MIR2052HG: variants seen among roughly 807,000 people sequenced by gnomAD.
The protein encoded by MIR2052HG is MIR2052 host gene.
intron 1 of MIR2052HG, among the ~76,000 whole-genome samples, chr8:74,612,070 A>G (rs1027715740): frequency 1.1e-5 from 1 of 87,474 alleles, no homozygotes; most frequent in African/African-American, 4.8e-5. Flanking sequence ...CCACAGGTGT[A>G]AAACGCCTGC....
At chr8:74,621,741 C>T (rs894273139) in intron 2 of MIR2052HG, among the ~76,000 whole-genome samples, 1 of 152,094 alleles carries the variant, frequency 6.6e-6, no homozygotes, top group African/African-American at 2.4e-5. Flanking sequence ...CATGTCACCA[C>T]CGGAACAGAA....
At chr8:74,727,163 CTTAAAT>C (rs1192865148) in intron 4 of MIR2052HG, among the ~76,000 whole-genome samples, 1 of 152,188 alleles carries the variant, frequency 6.6e-6, no homozygotes, top group Non-Finnish European at 1.5e-5. Context: ...CACACACACA[CTTAAAT>C]TTTAAGTTAA....
intron 4 of MIR2052HG, among the ~76,000 whole-genome samples, chr8:74,746,878 C>A (rs2128756315): frequency 6.6e-6 from 1 of 151,930 alleles, no homozygotes; most frequent in Admixed American, 6.6e-5. Flanking sequence ...GAAAGCTAAA[C>A]TGAAGAAAAA....
intron 2 of MIR2052HG, among the ~76,000 whole-genome samples, chr8:74,649,413 T>C (rs1254513353): frequency 6.6e-6 from 1 of 152,028 alleles, no homozygotes; most frequent in Non-Finnish European, 1.5e-5. Context: ...AAAAATTAAA[T>C]AGAATAGAGA....
chr8:74,692,697 G>T (rs900447846), intron 2 of MIR2052HG, among the ~76,000 whole-genome samples: 11 of 152,168 alleles, frequency 7.2e-5, no homozygotes, highest in African/African-American at 2.4e-4. Context: ...TAATTTGAAA[G>T]TTGTTTCTAC....
intron 2 of MIR2052HG, among the ~76,000 whole-genome samples, chr8:74,641,903 C>T (rs1039127411): frequency 1.3e-5 from 2 of 152,058 alleles, no homozygotes; most frequent in Admixed American, 6.6e-5. Flanking sequence ...ATTGTCTCAG[C>T]CCAGGGGAGG....
At chr8:74,647,248 G>A (rs1808698226) in intron 2 of MIR2052HG, among the ~76,000 whole-genome samples, 1 of 152,114 alleles carries the variant, frequency 6.6e-6, no homozygotes, top group African/African-American at 2.4e-5. Context: ...GAGGTTGCAG[G>A]ACAAGAGGAC....
rs144499507 is a variant in MIR2052HG at position 74,640,526 on chromosome 8, A to G, written n.216+27586A>G. Among the ~76,000 whole-genome samples the G allele has an allele frequency of 4.5e-3, 674 of 151,386 alleles. 8 individuals carry two copies. The highest frequency in any genetic ancestry group is 0.015 in the African/African-American group (637 of 41,248). ...GATGCTCTCCCTGGCCTCCGTTTTA[A>G]GTTCTGAAAGCAATTCAAAGAGAAA... On this transcript the variant is annotated intron_variant and non_coding_transcript_variant, in intron 2 of 6. Coordinates refer to ENST00000523442, the Ensembl canonical transcript of MIR2052HG.
intron 1 of MIR2052HG, among the ~76,000 whole-genome samples, chr8:74,609,278 T>C (rs1808156625): frequency 1.3e-5 from 2 of 151,988 alleles, no homozygotes; most frequent in African/African-American, 4.8e-5. Flanking sequence ...TAGTCCCATA[T>C]TTAGTAAAAT....
At chr8:74,652,620 A>G (rs1292476561) in intron 2 of MIR2052HG, among the ~76,000 whole-genome samples, 1 of 152,196 alleles carries the variant, frequency 6.6e-6, no homozygotes, top group Non-Finnish European at 1.5e-5. Flanking sequence ...TAAATGTGAT[A>G]TCTCACAATT....
intron 4 of MIR2052HG, among the ~76,000 whole-genome samples, chr8:74,743,609 C>T (rs1177419305): frequency 6.6e-6 from 1 of 152,094 alleles, no homozygotes; most frequent in Non-Finnish European, 1.5e-5. Flanking sequence ...AACAAACTTA[C>T]GATTTATCTG....
intron 4 of MIR2052HG, among the ~76,000 whole-genome samples, chr8:74,712,076 GC>G (rs1809473959): frequency 6.6e-6 from 1 of 152,168 alleles, no homozygotes; most frequent in Admixed American, 6.5e-5. Flanking sequence ...TGAATTCAGA[GC>G]TCACATCTAT....
At chr8:74,640,673 G>A (rs1039347790) in intron 2 of MIR2052HG, among the ~76,000 whole-genome samples, 2 of 152,078 alleles carry the variant, frequency 1.3e-5, no homozygotes, top group African/African-American at 2.4e-5. Flanking sequence ...TGCCAGCTGA[G>A]GTTTCCTTCC....
intron 4 of MIR2052HG, among the ~76,000 whole-genome samples, chr8:74,748,740 A>G (rs769601607): frequency 1.3e-5 from 2 of 152,176 alleles, no homozygotes; most frequent in Non-Finnish European, 2.9e-5. Flanking sequence ...GCTACTCCCA[A>G]TTTCAGGGAT....
intron 5 of MIR2052HG, among the ~76,000 whole-genome samples, chr8:74,754,530 G>A (rs539579527): frequency 7.4e-4 from 113 of 152,326 alleles, no homozygotes; most frequent in African/African-American, 2.6e-3. Flanking sequence ...GGATCATTAT[G>A]AGAATAGGTT....
intron 2 of MIR2052HG, among the ~76,000 whole-genome samples, chr8:74,687,161 C>T (rs551256170): frequency 6.6e-6 from 1 of 152,098 alleles, no homozygotes; most frequent in Non-Finnish European, 1.5e-5. Context: ...CACCTCACAC[C>T]TGTTAGAATG....
intron 4 of MIR2052HG, among the ~76,000 whole-genome samples, chr8:74,725,896 G>GA (rs35489513): frequency 1.8e-4 from 27 of 151,592 alleles, no homozygotes; most frequent in African/African-American, 6.1e-4. Flanking sequence ...TGAGGAGTGG[G>GA]AAAAAAAACA....
At chr8:74,625,926 G>GGAT (rs1387347229) in intron 2 of MIR2052HG, among the ~76,000 whole-genome samples, 1 of 152,112 alleles carries the variant, frequency 6.6e-6, no homozygotes, top group Non-Finnish European at 1.5e-5. Context: ...CAGCAATCTT[G>GGAT]GATGCCTTTA....
intron 2 of MIR2052HG, among the ~76,000 whole-genome samples, chr8:74,651,451 G>T (rs1808751337): frequency 6.6e-6 from 1 of 151,988 alleles, no homozygotes; most frequent in South Asian, 2.1e-4. Flanking sequence ...GAGTGTTTTT[G>T]TTTGTAATAA....
Sources: allele counts gnomAD v4.1 joint callset (sites outside exome capture counted in the v4.1 genomes callset), GRCh38; gene constraint gnomAD v4.1.1; transcripts MANE v1.5; gene names NCBI Gene and HGNC (gene_info 2026-07-23, HGNC 2026-07-21).